The following ATRNL1 variants were observed in gnomAD, a reference collection of about 807,000 sequenced individuals.
ATRNL1 encodes the protein attractin like 1.
A neutral mutation model predicts 182.7 loss-of-function variants in ATRNL1; 95 were observed. The ratio of observed to expected loss-of-function variants is 0.52; its 90% CI spans 0.44 to 0.62. The LOEUF (loss-of-function observed/expected upper bound fraction) is 0.62. Among genes scored for constraint, ATRNL1 ranks in the 20% least tolerant of loss-of-function variants. The pLI, the probability that ATRNL1 is intolerant of heterozygous loss-of-function variation, is 0.00. For missense variants in ATRNL1, 1,471 were observed against 1,679.5 expected (o/e 0.88, Z 2.17); for synonymous variants, 576 against 568.3 (o/e 1.01, Z -0.19).
intron 24 of ATRNL1, among the ~76,000 whole-genome samples, chr10:115,507,449 A>G (rs1328856122): frequency 6.6e-6 from 1 of 152,092 alleles, no homozygotes; most frequent in African/African-American, 2.4e-5. Context: ...ATAAAGTCAC[A>G]TGAAGAAAAA....
rs534089259 is a variant in ATRNL1 at position 115,797,900 on chromosome 10, T to C, written c.3904-49977T>C. ...TGTTGCAAATACTTCAGTGAGACAG[T>C]CTAATTTTCTCAGAGACCTTTTTTT... On this transcript the variant is annotated intron_variant, in intron 27 of 28. Transcript: ENST00000355044. 1.5e-3 allele frequency among the ~76,000 whole-genome samples: 228 copies of C among 152,194 alleles called. 3 individuals carry two copies. The highest frequency in any genetic ancestry group is 2.9e-3 in the Non-Finnish European group (196 of 67,998).
At chr10:115,751,407 A>G (rs562269143) in intron 27 of ATRNL1, among the ~76,000 whole-genome samples, 5 of 152,174 alleles carry the variant, frequency 3.3e-5, no homozygotes, top group Admixed American at 3.3e-4. Context: ...ACTTGTTGCT[A>G]TAGCACTAGG....
chr10:115,471,897 G>A (rs1444364558), intron 24 of ATRNL1, among the ~76,000 whole-genome samples: 1 of 150,662 alleles, frequency 6.6e-6, no homozygotes, highest in Non-Finnish European at 1.5e-5. Flanking sequence ...CTGAACTTTT[G>A]GTATTATATC....
chr10:115,918,281 G>A (rs559792082), intron 28 of ATRNL1, among the ~76,000 whole-genome samples: 23 of 151,910 alleles, frequency 1.5e-4, no homozygotes, highest in Admixed American at 1.3e-3. Context: ...TTTTGTATTT[G>A]TAGTAGAGAC....
chr10:115,612,180 A>C (rs1857197111), intron 26 of ATRNL1, among the ~76,000 whole-genome samples: 1 of 151,968 alleles, frequency 6.6e-6, no homozygotes, highest in South Asian at 2.1e-4. Flanking sequence ...TGAACCTGAG[A>C]GGCGGAGGTT....
At position 115,265,204 on chromosome 10, in the gene ATRNL1, T is replaced by C. The variant is rs781971978; in HGVS notation, c.1699T>C (p.Trp567Arg). 7 of 1,604,152 alleles carry C rather than the reference T, an allele frequency of 4.4e-6. No homozygotes were observed. The highest frequency in any genetic ancestry group is 6.0e-6 in the Non-Finnish European group (7 of 1,173,470). The change falls in exon 11 of 29, where the codon TGG becomes CGG. Residue 567 changes from tryptophan to arginine, a missense_variant. Transcript: ENST00000355044. ...TTTCTTTTTTCTAGCTTGTGATGAA[T>C]GGAAAATACTACCAAAACCAAATCT... ...FLAYDIACDE[W>R]KILPKPNLHR... is the part of the protein sequence containing the mutation.
At chr10:115,324,313 T>A (rs1162422571) in intron 18 of ATRNL1, among the ~76,000 whole-genome samples, 1 of 152,198 alleles carries the variant, frequency 6.6e-6, no homozygotes, top group Non-Finnish European at 1.5e-5. Flanking sequence ...GTGTATTATG[T>A]TTGTTTGCTT....
intron 28 of ATRNL1, among the ~76,000 whole-genome samples, chr10:115,939,084 A>C (rs1035676861): frequency 6.6e-6 from 1 of 152,232 alleles, no homozygotes; most frequent in African/African-American, 2.4e-5. Flanking sequence ...TCTTTCCACA[A>C]TGTATACATA....
chr10:115,939,650 G>C (rs1953667154), intron 28 of ATRNL1, among the ~76,000 whole-genome samples: 1 of 152,140 alleles, frequency 6.6e-6, no homozygotes, highest in Non-Finnish European at 1.5e-5. Flanking sequence ...TGATAACAAG[G>C]AACTATGCTA....
At chr10:115,437,449 T>G (rs1554964959) in intron 21 of ATRNL1, among the ~76,000 whole-genome samples, 3 of 152,024 alleles carry the variant, frequency 2.0e-5, no homozygotes. Context: ...TTTGGTTTAT[T>G]TTTTGAGGCA....
chr10:115,099,042 A>G lies in ATRNL1; in HGVS notation c.293+4999A>G, dbSNP rs75983334. ...CACAATCAAAATCATAAAAATACCA[A>G]TCACGCTAGAAAGTTTCCATGTGTT... On this transcript the variant is annotated intron_variant, in intron 1 of 28. Coordinates refer to ENST00000355044, the MANE Select transcript of ATRNL1 (RefSeq NM_207303.4). Among the ~76,000 whole-genome samples the G allele has an allele frequency of 2.2e-3, 335 of 152,346 alleles. 9 individuals are homozygous for G. The East Asian group carries it at 0.05, about 23-fold the overall frequency.
At chr10:115,102,551 C>T (rs1843818712) in intron 1 of ATRNL1, among the ~76,000 whole-genome samples, 1 of 152,120 alleles carries the variant, frequency 6.6e-6, no homozygotes, top group Non-Finnish European at 1.5e-5. Flanking sequence ...TCAAGCGGTT[C>T]TCCTGCCTCA....
intron 24 of ATRNL1, among the ~76,000 whole-genome samples, chr10:115,470,186 G>A (rs947680149): frequency 6.7e-6 from 1 of 150,328 alleles, no homozygotes; most frequent in South Asian, 2.1e-4. Flanking sequence ...GTGATTTGTG[G>A]AAAGAATGAG....
intron 27 of ATRNL1, among the ~76,000 whole-genome samples, chr10:115,826,815 T>TA (rs1278229038): frequency 6.6e-6 from 1 of 152,030 alleles, no homozygotes; most frequent in Non-Finnish European, 1.5e-5. Flanking sequence ...TAAAAAATGA[T>TA]AAAAAAGCAT....
chr10:115,904,496 T>C (rs1952443259), intron 28 of ATRNL1, among the ~76,000 whole-genome samples: 1 of 152,178 alleles, frequency 6.6e-6, no homozygotes, highest in Admixed American at 6.5e-5. Context: ...CACCATGGGA[T>C]CACTATAGAC....
chr10:115,591,301 T>A (rs1460797495), intron 26 of ATRNL1, among the ~76,000 whole-genome samples: 1 of 151,982 alleles, frequency 6.6e-6, no homozygotes, highest in Non-Finnish European at 1.5e-5. Context: ...GCACAGAAAA[T>A]GGGGTTTATG....
chr10:115,312,874 T>C (rs1854105370), intron 17 of ATRNL1, among the ~76,000 whole-genome samples: 1 of 152,142 alleles, frequency 6.6e-6, no homozygotes, highest in South Asian at 2.1e-4. Context: ...TCTGAAATTA[T>C]TTCTTCTACT....
intron 8 of ATRNL1, among the ~76,000 whole-genome samples, chr10:115,182,933 A>T (rs1409787995): frequency 1.3e-5 from 2 of 151,524 alleles, no homozygotes; most frequent in African/African-American, 4.8e-5. Flanking sequence ...AAAAATCTAA[A>T]CAACATAACT....
At chr10:115,215,922 A>T in intron 9 of ATRNL1, 42 bp downstream of exon 9, 1 of 1,363,604 alleles carries the variant, frequency 7.3e-7, no homozygotes, top group Non-Finnish European at 9.8e-7. Context: ...TGCCATTATT[A>T]TTGTAAATGA....
Sources: gnomAD v4.1 joint callset for allele counts (sites outside exome capture counted in the v4.1 genomes callset) on GRCh38, gnomAD v4.1.1 for gene constraint, MANE v1.5 for transcripts, NCBI Gene and HGNC (gene_info 2026-07-23, HGNC 2026-07-21) for gene names.